Variants in KHDC1 observed in about 807,000 individuals in gnomAD.
The protein encoded by KHDC1 is KH domain containing 1.
KHDC1 carries 21 observed loss-of-function variants against 24.7 expected under a neutral mutation model. The ratio of observed to expected loss-of-function variants is 0.85; its 90% CI spans 0.60 to 1.23. The LOEUF (loss-of-function observed/expected upper bound fraction) is 1.23. Among genes scored for constraint, KHDC1 ranks in the 50% most tolerant of loss-of-function variants. The pLI is 0.00. For synonymous variants in KHDC1, 98 were observed against 111.7 expected (o/e 0.88, Z 0.77); for missense variants, 274 against 298.5 (o/e 0.92, Z 0.61).
At chr6:73,259,434 C>G (rs1258569866) in intron 2 of KHDC1, among the ~76,000 whole-genome samples, 1 of 152,008 alleles carries the variant, frequency 6.6e-6, no homozygotes, top group Non-Finnish European at 1.5e-5. Flanking sequence ...ATAACTAGGA[C>G]TACAGCCATG....
intron 1 of KHDC1, chr6:73,292,492 C>G (rs1767674481): frequency 1.3e-6 from 1 of 770,864 alleles, no homozygotes; most frequent in African/African-American, 1.7e-5. Flanking sequence ...CCTCTGAAAT[C>G]TTAAAGCAGA....
At chr6:73,288,349 G>A (rs765132784) in intron 2 of KHDC1, among the ~76,000 whole-genome samples, 2 of 152,324 alleles carry the variant, frequency 1.3e-5, no homozygotes, top group South Asian at 2.1e-4. Flanking sequence ...GGCCGGGCAC[G>A]GTGGTTCACG....
chr6:73,246,149 C>A (rs11961485), intron 2 of KHDC1, among the ~76,000 whole-genome samples: 6,705 of 152,220 alleles, frequency 0.044, 485 homozygotes, highest in African/African-American at 0.15. Context: ...TATGGAGCAA[C>A]TCATCACATA....
At chr6:73,261,464 T>TA (rs538763169) in intron 2 of KHDC1, among the ~76,000 whole-genome samples, 1 of 151,534 alleles carries the variant, frequency 6.6e-6, no homozygotes, top group African/African-American at 2.4e-5. Context: ...AAATTTTTTT[T>TA]AAAAAAATAA....
chr6:73,242,464 T>G lies in KHDC1; in HGVS notation c.273A>C (p.Gln91His), dbSNP rs754860132. 57 of 1,614,064 alleles carry G rather than the reference T, an allele frequency of 3.5e-5. No individual in the cohort carries two copies. Among genetic ancestry groups the G allele is most frequent in the Non-Finnish European group, 4.7e-5 (55 of 1,180,036 alleles). ...GAAACACCATTGGTGCATGAAAGTT[T>G]TGAGGCAGGGTCCACCACGGCTTCT... The change falls in exon 3 of 5, where the codon CAA becomes CAC. Residue 91 changes from glutamine (Q) to histidine (H), a missense_variant. By Grantham distance (24) the Gln-to-His change is conservative. Coordinates refer to ENST00000370384, the Ensembl canonical transcript of KHDC1.
chr6:73,307,618 T>C (rs978961762), intron 1 of KHDC1, among the ~76,000 whole-genome samples: 2 of 152,244 alleles, frequency 1.3e-5, no homozygotes, highest in Admixed American at 6.5e-5. Flanking sequence ...GCCAGCAGGC[T>C]TTCCGCAAGC....
chr6:73,261,753 A>T lies in KHDC1; in HGVS notation c.207-19223T>A, dbSNP rs542242085. ...GTGGTGAAACCCCGTCTCTGCTAAA[A>T]ATACAAAAATTAGCTGGGCATGGTG... is the stretch of plus-strand genomic sequence containing the variant. On this transcript the variant is annotated intron_variant, in intron 2 of 4. Coordinates refer to ENST00000370384, the Ensembl canonical transcript of KHDC1. 1.1e-4 allele frequency among the ~76,000 whole-genome samples: 16 copies of T among 152,148 alleles called. No homozygotes were observed. In the South Asian group the frequency reaches 3.3e-3, roughly 32 times the overall value.
intron 2 of KHDC1, among the ~76,000 whole-genome samples, chr6:73,289,949 A>G (rs1767610120): frequency 6.8e-6 from 1 of 147,082 alleles, no homozygotes; most frequent in Non-Finnish European, 1.5e-5. Context: ...AAATACAACA[A>G]ATTAGCCGGG....
chr6:73,288,803 C>CAAAAAA (rs33926109), intron 2 of KHDC1, among the ~76,000 whole-genome samples: 1 of 78,572 alleles, frequency 1.3e-5, no homozygotes. Context: ...ACCCCCATCT[C>CAAAAAA]AAAAAAAAAA....
chr6:73,266,546 A>T (rs1348843188), intron 2 of KHDC1, among the ~76,000 whole-genome samples: 1 of 152,220 alleles, frequency 6.6e-6, no homozygotes, highest in Non-Finnish European at 1.5e-5. Context: ...CTTTTCAAAA[A>T]ATGGTACTTG....
intron 1 of KHDC1, chr6:73,292,073 T>C: frequency 4.3e-6 from 7 of 1,613,610 alleles, no homozygotes; most frequent in Non-Finnish European, 5.9e-6. Flanking sequence ...AAAGGAATTA[T>C]TACAAGGTAA....
intron 2 of KHDC1, among the ~76,000 whole-genome samples, chr6:73,288,658 A>C (rs1767566654): frequency 6.6e-6 from 1 of 152,084 alleles, no homozygotes; most frequent in African/African-American, 2.4e-5. Flanking sequence ...GCAGTGGCAC[A>C]CACCTGTTTT....
At chr6:73,256,751 T>G (rs1766886674) in intron 2 of KHDC1, among the ~76,000 whole-genome samples, 1 of 152,238 alleles carries the variant, frequency 6.6e-6, no homozygotes, top group African/African-American at 2.4e-5. Context: ...TATCCCCATT[T>G]TGCTATCAGG....
At chr6:73,272,463 T>C (rs1767198113) in intron 2 of KHDC1, among the ~76,000 whole-genome samples, 1 of 151,538 alleles carries the variant, frequency 6.6e-6, no homozygotes, top group Admixed American at 6.6e-5. Context: ...AGAACCTTAG[T>C]ACAATCTCAG....
intron 2 of KHDC1, among the ~76,000 whole-genome samples, chr6:73,252,778 C>A (rs1309939982): frequency 6.6e-6 from 1 of 151,424 alleles, no homozygotes; most frequent in Admixed American, 6.6e-5. Flanking sequence ...GATCGTGCCA[C>A]TGAACTGCTG....
chr6:73,268,867 C>G (rs1219319983), intron 2 of KHDC1: 1 of 153,792 alleles, frequency 6.5e-6, no homozygotes, highest in Middle Eastern at 3.3e-3. Flanking sequence ...CCGCGCCCTG[C>G]GGTCGCACTC....
intron 2 of KHDC1, among the ~76,000 whole-genome samples, chr6:73,273,768 G>C (rs990130127): frequency 6.6e-6 from 1 of 151,872 alleles, no homozygotes; most frequent in East Asian, 2.0e-4. Flanking sequence ...GCAGTGAGCC[G>C]AGATCACGCC....
At chr6:73,279,544 C>T (rs1168415544) in intron 2 of KHDC1, among the ~76,000 whole-genome samples, 1 of 150,784 alleles carries the variant, frequency 6.6e-6, no homozygotes, top group African/African-American at 2.4e-5. Flanking sequence ...TTTTTTTCTC[C>T]ATTTGCCTCA....
intron 2 of KHDC1, among the ~76,000 whole-genome samples, chr6:73,283,267 T>C (rs1199378084): frequency 1.3e-5 from 2 of 152,212 alleles, no homozygotes; most frequent in African/African-American, 4.8e-5. Context: ...GGGAGATTTG[T>C]CTGTTCTACC....
Sources: gnomAD v4.1 joint callset for allele counts (sites outside exome capture counted in the v4.1 genomes callset) on GRCh38, gnomAD v4.1.1 for gene constraint, MANE v1.5 for transcripts, NCBI Gene and HGNC (gene_info 2026-07-23, HGNC 2026-07-21) for gene names.